Variants in MEP1B observed in about 807,000 individuals in gnomAD.
The protein encoded by MEP1B is N-benzoyl-L-tyrosyl-P-amino-benzoic acid hydrolase subunit beta.
In MEP1B, 80 loss-of-function variants were observed where a neutral mutation model predicts 84.6. The observed-to-expected ratio is 0.95, with a 90% CI of 0.79 to 1.14. The LOEUF is 1.14. MEP1B is among the 50% of genes most tolerant of loss of function. MEP1B has a pLI of 0.00. For missense variants in MEP1B, 766 were observed against 855.1 expected (o/e 0.90, Z 1.30); for synonymous variants, 273 against 288.1 (o/e 0.95, Z 0.53).
chr18:32,190,401 G>C (rs1312264578), intron 1 of MEP1B, among the ~76,000 whole-genome samples: 1 of 152,090 alleles, frequency 6.6e-6, no homozygotes, highest in African/African-American at 2.4e-5. Flanking sequence ...TTATAAATGT[G>C]TATTTTGAAA....
At position 32,196,564 on chromosome 18, in the gene MEP1B, T is replaced by C. The variant is rs1448885004; in HGVS notation, c.250+1079T>C. The C allele has an allele frequency of 1.1e-5, 8 of 708,438 alleles. No homozygotes were observed. The East Asian group carries it at 2.1e-4, about 19-fold the overall frequency. The allele number at this position is 708,438 out of a possible 1,614,324, so 43.9% of individuals were successfully genotyped here. ...GCTTTGGGCCCTTGGTACTTGGTGC[T>C]GACGGCCAGCGCGTTGTCCAGGAAG... On this transcript the variant is annotated intron_variant, in intron 5 of 14. Transcript: ENST00000269202. This position sits in a 1 kb window ranked among gnomAD's most constrained non-coding sequence, Gnocchi z 4.4.
chr18:32,190,798 C>T (rs2040794894), intron 1 of MEP1B, among the ~76,000 whole-genome samples: 1 of 152,122 alleles, frequency 6.6e-6, no homozygotes, highest in African/African-American at 2.4e-5. Context: ...TGTAGGTGCA[C>T]TGGCATTCCT....
At chr18:32,191,083 T>G (rs1419456404) in intron 1 of MEP1B, among the ~76,000 whole-genome samples, 1 of 152,104 alleles carries the variant, frequency 6.6e-6, no homozygotes, top group Non-Finnish European at 1.5e-5. Context: ...ATCTTATGGA[T>G]AGTCTGAGTA....
chr18:32,193,845 C>T (rs1309870326), intron 4 of MEP1B, among the ~76,000 whole-genome samples: 1 of 152,144 alleles, frequency 6.6e-6, no homozygotes, highest in Non-Finnish European at 1.5e-5. Context: ...TTGATCTCAC[C>T]TTCGTCCAGG....
At chr18:32,205,453 A>C (rs937194582) in intron 7 of MEP1B, among the ~76,000 whole-genome samples, 1 of 152,122 alleles carries the variant, frequency 6.6e-6, no homozygotes, top group African/African-American at 2.4e-5. Context: ...CTGACACCAC[A>C]CTTCTTGAAA....
At chr18:32,205,319 T>C (rs1407435400) in intron 7 of MEP1B, among the ~76,000 whole-genome samples, 1 of 152,214 alleles carries the variant, frequency 6.6e-6, no homozygotes, top group Non-Finnish European at 1.5e-5. Flanking sequence ...CTAGAGCTCA[T>C]GTTTTCCACA....
At chr18:32,204,483 C>T (rs761914379) in intron 7 of MEP1B, 123 bp downstream of exon 7, 388 of 840,792 alleles carry the variant, frequency 4.6e-4, no homozygotes, top group Admixed American at 7.0e-4. Context: ...TGTCTTAATT[C>T]ATTCAGCTTG....
intron 7 of MEP1B, among the ~76,000 whole-genome samples, chr18:32,204,978 T>A (rs1031952842): frequency 6.6e-6 from 1 of 152,132 alleles, no homozygotes; most frequent in African/African-American, 2.4e-5. Context: ...AGGCCCCACC[T>A]CCCAACACTG....
Position 32,196,743 on chromosome 18 carries a change from C to T in MEP1B, c.250+1258C>T, listed in dbSNP as rs1390124929. 3 of 639,214 alleles carry T rather than the reference C, an allele frequency of 4.7e-6. No individual in the cohort carries two copies. The highest frequency in any genetic ancestry group is 8.6e-6 in the Non-Finnish European group (3 of 350,672). 39.6% of individuals were successfully genotyped at this position (639,214 alleles called of 1,614,324 possible). On this transcript the variant is annotated intron_variant, in intron 5 of 14. Transcript: ENST00000269202. The surrounding 1 kb of genome is among the most constrained non-coding windows in gnomAD (Gnocchi z 4.4). ...CAGGGACAGCTGCCTGCTGGTGAAG[C>T]AGTGCAGGGCCAGGTGCATGTTTTC...
rs535423680 is a variant in MEP1B at position 32,197,496 on chromosome 18, T to C, written c.250+2011T>C. 6.6e-5 allele frequency among the ~76,000 whole-genome samples: 10 copies of C among 150,758 alleles called. No individual in the cohort carries two copies. In the South Asian group the frequency reaches 2.2e-3, roughly 33 times the overall value. ...GTGCAGTGGCATAATCTCGGCTCAC[T>C]GCAGCTTCTACCTCCCAGGTTTTGG... On this transcript the variant is annotated intron_variant, in intron 5 of 14. Transcript: ENST00000269202.
chr18:32,203,095 T>C (rs2040929104), intron 6 of MEP1B, 85 bp downstream of exon 6: 2 of 754,530 alleles, frequency 2.7e-6, no homozygotes, highest in South Asian at 1.9e-5. Context: ...TCCTAGGCTC[T>C]GACCTTTAGG....
At chr18:32,210,468 T>C in intron 9 of MEP1B, 33 bp from the exon 10 acceptor site, 1 of 1,574,994 alleles carries the variant, frequency 6.3e-7, no homozygotes, top group Non-Finnish European at 8.7e-7. Context: ...ACCCAGTATC[T>C]GTTTTTCTCT....
rs1486754124 is a variant in MEP1B, at chr18:32,204,315, G to C, written c.502G>C (p.Asp168His). The change falls in exon 7 of 15, where the codon GAC becomes CAC. Residue 168 changes from aspartate (D) to histidine (H), a missense_variant. Asp to His is a moderately conservative substitution (Grantham distance 81, BLOSUM62 -1). Transcript: ENST00000269202. ...ATTCTGGCATGAGCAGTCGCGTTCT[G>C]ACCGGGATGACTATGTCAGGATAAT... Reference protein sequence around the residue: ...LGFWHEQSRSDRDDYVRIMWD... With the variant: ...LGFWHEQSRSHRDDYVRIMWD... 1.2e-6 allele frequency: 2 copies of C among 1,601,994 alleles called. No individual in the cohort carries two copies. Among genetic ancestry groups the C allele is most frequent in the East Asian group, 4.5e-5 (2 of 44,654 alleles).
chr18:32,213,470 C>T lies in MEP1B; in HGVS notation c.1490C>T (p.Ala497Val). The T allele has an allele frequency of 1.9e-6, 3 of 1,613,940 alleles. No individual in the cohort carries two copies. The highest frequency in any genetic ancestry group is 2.5e-6 in the Non-Finnish European group (3 of 1,179,838). The change falls in exon 11 of 15, where the codon GCC becomes GTC. Residue 497 changes from alanine to valine, a missense_variant. Transcript: ENST00000269202. ...QLQWPCPWQQATMTLLDQNPD... is the reference protein window; with the variant it reads ...QLQWPCPWQQVTMTLLDQNPD... ...CAGTGGCCATGTCCTTGGCAACAAG[C>T]CACAATGACACTTTTGGATCAAAAT... is the stretch of plus-strand genomic sequence containing the variant.
chr18:32,212,974 A>C, intron 10 of MEP1B, 142 bp from the exon 11 acceptor site: 1 of 714,282 alleles, frequency 1.4e-6, no homozygotes, highest in South Asian at 1.9e-5. Context: ...TCTAGGCTGG[A>C]GCTTTGGCAA....
chr18:32,191,027 T>C (rs1341215438), intron 1 of MEP1B, among the ~76,000 whole-genome samples: 1 of 152,146 alleles, frequency 6.6e-6, no homozygotes, highest in Non-Finnish European at 1.5e-5. Flanking sequence ...TTTCACATTA[T>C]ATACTGTAAC....
In MEP1B at chr18:32,217,067, C is replaced by A. The variant is rs2041097959; in HGVS notation, c.1836C>A (p.Thr612=). ...PSVQDLCSKT[T]CKNDGVCTVR... is the part of the protein sequence containing the mutation. ...TTCAAGACCTCTGCTCAAAAACCAC[C>A]TGTAAAAATGACGGTGTCTGCACTG... Residue 612 remains threonine (T), a synonymous_variant, in exon 13 of 15, where the codon ACC becomes ACA. Coordinates refer to ENST00000269202, the MANE Select transcript of MEP1B (RefSeq NM_005925.3). 1 of 1,613,834 alleles carries A rather than the reference C, an allele frequency of 6.2e-7. No individual in the cohort carries two copies.
At position 32,196,625 on chromosome 18, in the gene MEP1B, C is replaced by A; in HGVS notation, c.250+1140C>A. The A allele has an allele frequency of 4.2e-6, 3 of 717,790 alleles. No individual in the cohort carries two copies. Among genetic ancestry groups the A allele is most frequent in the South Asian group, 1.5e-5 (1 of 68,588 alleles). 44.5% of individuals were successfully genotyped at this position (717,790 alleles called of 1,614,324 possible). A position where few individuals can be genotyped will look rare whatever the true frequency, so the allele number is the denominator to read the frequency against. On this transcript the variant is annotated intron_variant, in intron 5 of 14. Transcript: ENST00000269202. The surrounding 1 kb of genome is among the most constrained non-coding windows in gnomAD (Gnocchi z 4.4). ...GGTCGTACTCCATCACCCTGTGCAG[C>A]ACCCGCCTGATGTTGTCCAGCACGC...
intron 5 of MEP1B, among the ~76,000 whole-genome samples, chr18:32,195,816 A>G (rs2144381243): frequency 6.6e-6 from 1 of 152,306 alleles, no homozygotes. Flanking sequence ...TCATATATTC[A>G]TTGAACCAGT....
Sources: allele counts gnomAD v4.1 joint callset (sites outside exome capture counted in the v4.1 genomes callset), GRCh38; gene constraint gnomAD v4.1.1; non-coding constraint Gnocchi (gnomAD v3.1); transcripts MANE v1.5; gene names NCBI Gene and HGNC (gene_info 2026-07-23, HGNC 2026-07-21).